The following MCC variants were observed in gnomAD, a reference collection of about 807,000 sequenced individuals.
MCC encodes the protein MCC regulator of Wnt signaling pathway.
MCC carries 90 observed loss-of-function variants against 116.2 expected under a neutral mutation model. That is an observed-to-expected ratio of 0.77 (90% CI 0.65 to 0.92). MCC has a LOEUF of 0.92. Ranked by LOEUF, MCC falls within the 40% of genes least tolerant of loss-of-function variation. The pLI is 0.00. For synonymous variants in MCC, 578 were observed against 510.5 expected, an observed-to-expected ratio of 1.13 and a Z score of -1.78; for missense variants, 1,516 against 1,312.2, an observed-to-expected ratio of 1.16 and a Z score of -2.40.
intron 2 of MCC, among the ~76,000 whole-genome samples, chr5:113,377,901 TA>T (rs559272074): frequency 1.3e-5 from 2 of 151,806 alleles, no homozygotes; most frequent in Non-Finnish European, 2.9e-5. Context: ...GTATGTAAAA[TA>T]AAACAAAACT....
chr5:113,455,834 G>A (rs73779023), intron 1 of MCC, among the ~76,000 whole-genome samples: 2,141 of 152,206 alleles, frequency 0.014, 59 homozygotes, highest in African/African-American at 0.049. Context: ...TGAAAAAGCC[G>A]TCCATTTTAC....
At chr5:113,288,891 G>T (rs192413624) in intron 3 of MCC, among the ~76,000 whole-genome samples, 1 of 152,010 alleles carries the variant, frequency 6.6e-6, no homozygotes, top group Non-Finnish European at 1.5e-5. Flanking sequence ...ATAACAGAAG[G>T]CACCTCAGAG....
chr5:113,464,795 GA>G (rs34958921), intron 1 of MCC, among the ~76,000 whole-genome samples: 108,619 of 148,796 alleles, frequency 0.73, 39,687 homozygotes, highest in East Asian at 0.88. Flanking sequence ...ATAGCAACAA[GA>G]AAAAAAAAAG....
intron 1 of MCC, among the ~76,000 whole-genome samples, chr5:113,461,904 G>C (rs941676473): frequency 2.6e-5 from 4 of 152,078 alleles, no homozygotes; most frequent in African/African-American, 9.7e-5. Context: ...CGAGCACCCA[G>C]GAAAAGCAGG....
At chr5:113,399,061 C>T (rs180731055) in intron 1 of MCC, among the ~76,000 whole-genome samples, 2 of 152,166 alleles carry the variant, frequency 1.3e-5, no homozygotes, top group Non-Finnish European at 2.9e-5. Context: ...AGGAGCCACA[C>T]TGGACAGCAC....
chr5:113,316,549 G>A lies in MCC; in HGVS notation c.627+23970C>T, dbSNP rs1163807561. Among the ~76,000 whole-genome samples, 3 of 152,130 alleles carry A rather than the reference G, an allele frequency of 2.0e-5. No individual in the cohort carries two copies. In the East Asian group the frequency reaches 5.8e-4, roughly 29 times the overall value. On this transcript the variant is annotated intron_variant, in intron 3 of 18. Coordinates refer to ENST00000408903, the MANE Select transcript of MCC (RefSeq NM_001085377.2). ...GATCCAATAAGTTCCAAGAGTGAGA[G>A]AAACTACATTTCACATAGCCCACAT... is the stretch of plus-strand genomic sequence containing the variant.
At chr5:113,093,350 A>C (rs1477970635) in intron 8 of MCC, among the ~76,000 whole-genome samples, 2 of 152,170 alleles carry the variant, frequency 1.3e-5, no homozygotes, top group African/African-American at 4.8e-5. Context: ...ATGCAGGAGG[A>C]TCGCTTAGCT....
At chr5:113,470,509 C>T (rs1382307560) in intron 1 of MCC, among the ~76,000 whole-genome samples, 1 of 152,188 alleles carries the variant, frequency 6.6e-6, no homozygotes, top group African/African-American at 2.4e-5. Flanking sequence ...GAATATTCGT[C>T]CCCACTCTCT....
chr5:113,443,175 A>G (rs1464721633), intron 1 of MCC, among the ~76,000 whole-genome samples: 1 of 151,902 alleles, frequency 6.6e-6, no homozygotes, highest in African/African-American at 2.4e-5. Context: ...CATTTCCTTG[A>G]GTGGTGGTTT....
Position 113,082,786 on chromosome 5 carries a change from G to A in MCC, c.1784+74C>T, listed in dbSNP as rs1754946561. ...CACAATACATAAGCCACCTTGAACA[G>A]ATCTTTGGAAAGAGAAGTGAGGAGT... On this transcript the variant is annotated intron_variant, in intron 11 of 18. Transcript: ENST00000408903. 5.1e-6 allele frequency: 8 copies of A among 1,561,446 alleles called. No individual in the cohort carries two copies. In the South Asian group the frequency reaches 6.1e-5, roughly 12 times the overall value.
chr5:113,188,877 A>C (rs1762023653), intron 3 of MCC, among the ~76,000 whole-genome samples: 1 of 152,240 alleles, frequency 6.6e-6, no homozygotes, highest in South Asian at 2.1e-4. Flanking sequence ...TTATCTAACT[A>C]CAAAAACAGA....
At chr5:113,044,267 G>A (rs6872473) in intron 16 of MCC, among the ~76,000 whole-genome samples, 148,848 of 152,262 alleles carry the variant, frequency 0.98, 72,765 homozygotes, top group East Asian at 1. Context: ...CAGAAGTGCA[G>A]CCCACCCCAT....
chr5:113,095,687 TAAA>T (rs985037178), intron 8 of MCC, among the ~76,000 whole-genome samples: 8 of 146,504 alleles, frequency 5.5e-5, no homozygotes, highest in Non-Finnish European at 1.2e-4. Flanking sequence ...CTTGGCTAAT[TAAA>T]AAAAAAAAAA....
intron 5 of MCC, among the ~76,000 whole-genome samples, chr5:113,127,505 C>T (rs924416051): frequency 6.6e-6 from 1 of 152,188 alleles, no homozygotes; most frequent in African/African-American, 2.4e-5. Flanking sequence ...GCAACCTCAC[C>T]AGCATCTGTT....
At chr5:113,156,915 GC>G (rs1760202813) in intron 3 of MCC, among the ~76,000 whole-genome samples, 1 of 152,152 alleles carries the variant, frequency 6.6e-6, no homozygotes, top group Non-Finnish European at 1.5e-5. Context: ...CTAAGGACAA[GC>G]CCTCTTAGCC....
intron 1 of MCC, among the ~76,000 whole-genome samples, chr5:113,462,897 G>A (rs1164596035): frequency 6.6e-6 from 1 of 151,854 alleles, no homozygotes. Flanking sequence ...AGGTTGGGTG[G>A]GCCAAAAAGA....
chr5:113,107,208 C>CT (rs746820475), intron 6 of MCC, among the ~76,000 whole-genome samples: 56,320 of 124,806 alleles, frequency 0.45, 11,757 homozygotes, highest in African/African-American at 0.5. Flanking sequence ...GCATGTTTTT[C>CT]TTTTTTTTTT....
intron 5 of MCC, among the ~76,000 whole-genome samples, chr5:113,134,632 G>C (rs55690053): frequency 0.078 from 9,934 of 126,796 alleles, 478 homozygotes; most frequent in East Asian, 0.14. Flanking sequence ...TGTGAAGCAT[G>C]ACATTGGTAT....
intron 1 of MCC, among the ~76,000 whole-genome samples, chr5:113,415,475 CTT>C (rs1399472911): frequency 6.6e-6 from 1 of 152,100 alleles, no homozygotes; most frequent in Non-Finnish European, 1.5e-5. Context: ...TCTTTTTATG[CTT>C]TTTTCTCTAA....
Sources: gnomAD v4.1 joint callset for allele counts (sites outside exome capture counted in the v4.1 genomes callset) on GRCh38, gnomAD v4.1.1 for gene constraint, MANE v1.5 for transcripts, NCBI Gene and HGNC (gene_info 2026-07-23, HGNC 2026-07-21) for gene names.